The following LAPTM5 variants were observed in gnomAD, a reference collection of about 807,000 sequenced individuals.
LAPTM5 encodes the protein lysosomal protein transmembrane 5, also known as lysosomal-associated transmembrane protein 5.
LAPTM5 carries 11 observed loss-of-function variants against 30.1 expected under a neutral mutation model. That is an observed-to-expected ratio of 0.37 (90% CI 0.23 to 0.60). The LOEUF is 0.60. Among genes scored for constraint, LAPTM5 ranks in the 20% least tolerant of loss-of-function variants. LAPTM5 has a pLI of 0.71. For missense variants in LAPTM5, 324 were observed against 332.5 expected (o/e 0.97, Z 0.20); for synonymous variants, 151 against 137.9 (o/e 1.10, Z -0.67).
At position 30,739,852 on chromosome 1, in the gene LAPTM5, A is replaced by C. The variant is rs765271074; in HGVS notation, c.344T>G (p.Ile115Ser). 1 of 1,607,894 alleles carries C rather than the reference A, an allele frequency of 6.2e-7. No homozygotes were observed. Among genetic ancestry groups the C allele is most frequent in the Non-Finnish European group, 8.5e-7 (1 of 1,176,870 alleles). Reference protein sequence around the residue: ...LCLLTLLGSYIELPAYLKLAS... With the variant: ...LCLLTLLGSYSELPAYLKLAS... ...CAACTTGAGGTAGGCGGGCAGCTCA[A>C]TGTAGGAGCCCAGCAGGGTGAGCAG... is the stretch of plus-strand genomic sequence containing the variant. Residue 115 changes from isoleucine (I) to serine (S), a missense_variant, in exon 4 of 8, where the codon ATT becomes AGT. Coordinates refer to ENST00000294507, the MANE Select transcript of LAPTM5 (RefSeq NM_006762.3). The surrounding 1 kb of genome is among the most constrained non-coding windows in gnomAD (Gnocchi z 4.2).
intron 1 of LAPTM5, among the ~76,000 whole-genome samples, chr1:30,747,739 T>G (rs1640068907): frequency 6.6e-6 from 1 of 152,000 alleles, no homozygotes; most frequent in Non-Finnish European, 1.5e-5. Flanking sequence ...GGGTCAGTAT[T>G]GAACATGGCT....
Position 30,739,782 on chromosome 1 carries a change from G to A in LAPTM5, c.387+27C>T, listed in dbSNP as rs550725374. ...ATGCCAGACCTGGGCTCTGCTGTCC[G>A]GTGAGAGGTGGGGGCTGGGTACTCA... On this transcript the variant is annotated intron_variant, in intron 4 of 7. Transcript: ENST00000294507. This position sits in a 1 kb window ranked among gnomAD's most constrained non-coding sequence, Gnocchi z 4.2. 132 of 1,572,604 alleles carry A rather than the reference G, an allele frequency of 8.4e-5. No homozygotes were observed. The South Asian group carries it at 1.0e-3, about 12-fold the overall frequency.
chr1:30,750,732 G>A (rs916397045), intron 1 of LAPTM5, among the ~76,000 whole-genome samples: 6 of 152,184 alleles, frequency 3.9e-5, no homozygotes, highest in East Asian at 1.9e-4. Flanking sequence ...TCTAACACAG[G>A]CTGCAGAGTC....
chr1:30,734,431 C>T (rs566423741), intron 7 of LAPTM5, among the ~76,000 whole-genome samples: 7 of 152,200 alleles, frequency 4.6e-5, no homozygotes, highest in South Asian at 4.2e-4. Context: ...GATGGGCTTC[C>T]GGAAAATGAA....
chr1:30,739,359 C>T lies in LAPTM5; in HGVS notation c.388-297G>A. On this transcript the variant is annotated intron_variant, in intron 4 of 7. Transcript: ENST00000294507. The surrounding 1 kb of genome is among the most constrained non-coding windows in gnomAD (Gnocchi z 4.2). The stretch of plus-strand genomic sequence containing the variant: ...GAGTGAGAAAAGCAGGTTTGGGAGA[C>T]TGTGTCCTTGACTGGCAGCAGCCCT... 3.4e-6 allele frequency: 1 copy of T among 296,022 alleles called. No individual in the cohort carries two copies. Among genetic ancestry groups the T allele is most frequent in the South Asian group, 4.7e-5 (1 of 21,068 alleles). The allele number at this position is 296,022 out of a possible 1,614,324, so 18.3% of individuals were successfully genotyped here.
intron 1 of LAPTM5, among the ~76,000 whole-genome samples, chr1:30,745,366 C>CT (rs1388493369): frequency 6.6e-6 from 1 of 152,230 alleles, no homozygotes; most frequent in Non-Finnish European, 1.5e-5. Flanking sequence ...TGCCTAAGGC[C>CT]TAACCCTTCC....
chr1:30,750,411 A>G (rs1047585631), intron 1 of LAPTM5, among the ~76,000 whole-genome samples: 5 of 152,178 alleles, frequency 3.3e-5, no homozygotes, highest in African/African-American at 4.8e-5. Flanking sequence ...CCTCTGTATC[A>G]CGGGCTCTGC....
In LAPTM5 at chr1:30,743,795, GTTT is replaced by G. The variant is rs756356075; in HGVS notation, c.88-1249_88-1247del. Among the ~76,000 whole-genome samples the G allele has an allele frequency of 7.4e-5, 8 of 107,844 alleles. No homozygotes were observed. The South Asian group carries it at 1.9e-3, about 26-fold the overall frequency. The allele number at this position is 107,844 out of a possible 152,430, so 70.7% of individuals were successfully genotyped here. Reference sequence around the variant, plus strand: ...TGTTTCCCCCTTGCTGACTGTGTGGGTTTTTTTTTTTTTTTTTTTTTTAGCTCA... The same window carrying G: ...TGTTTCCCCCTTGCTGACTGTGTGGGTTTTTTTTTTTTTTTTTTTAGCTCA... On this transcript the variant is annotated intron_variant, in intron 1 of 7. Coordinates refer to ENST00000294507, the MANE Select transcript of LAPTM5 (RefSeq NM_006762.3).
intron 1 of LAPTM5, among the ~76,000 whole-genome samples, chr1:30,743,478 A>G (rs1032410371): frequency 6.6e-6 from 1 of 152,176 alleles, no homozygotes; most frequent in Admixed American, 6.5e-5. Flanking sequence ...CACCTTATCC[A>G]TGCCTCCCAT....
In LAPTM5 at chr1:30,735,166, C is replaced by T. The variant is rs367632339; in HGVS notation, c.699+7G>A. ...CAGGGCTGGCACCCACCTGCAGCCA[C>T]ACTCACCTTCTGGAGCATCTTGGAG... is the stretch of plus-strand genomic sequence containing the variant. On this transcript the variant is annotated splice_region_variant and intron_variant, in intron 7 of 7. Coordinates refer to ENST00000294507, the MANE Select transcript of LAPTM5 (RefSeq NM_006762.3). The T allele has an allele frequency of 2.5e-6, 4 of 1,610,412 alleles. No individual in the cohort carries two copies. The highest frequency in any genetic ancestry group is 1.3e-5 in the African/African-American group (1 of 74,878).
At position 30,739,971 on chromosome 1, in the gene LAPTM5, C is replaced by T. The variant is rs370375145; in HGVS notation, c.259-34G>A. 1.3e-6 allele frequency: 2 copies of T among 1,525,406 alleles called. No individual in the cohort carries two copies. The highest frequency in any genetic ancestry group is 2.0e-5 in the Admixed American group (1 of 49,628). The allele number at this position is 1,525,406 out of a possible 1,614,324, so 94.5% of individuals were successfully genotyped here. A position where few individuals can be genotyped will look rare whatever the true frequency, so the allele number is the denominator to read the frequency against. Reference sequence around the variant, plus strand: ...TAGGCCCAGCACCGTCAAGTGTCCCCTGCATGCAGCCAACACTCCGCCACC... The same window carrying T: ...TAGGCCCAGCACCGTCAAGTGTCCCTTGCATGCAGCCAACACTCCGCCACC... On this transcript the variant is annotated intron_variant, in intron 3 of 7. Coordinates refer to ENST00000294507, the MANE Select transcript of LAPTM5 (RefSeq NM_006762.3). This position sits in a 1 kb window ranked among gnomAD's most constrained non-coding sequence, Gnocchi z 4.2.
intron 2 of LAPTM5, 87 bp from the exon 3 acceptor site, chr1:30,741,803 GT>G: frequency 1.1e-6 from 1 of 946,848 alleles, no homozygotes; most frequent in Non-Finnish European, 1.6e-6. Context: ...GGAACCACTG[GT>G]TTGGGGACAT....
Position 30,733,691 on chromosome 1 carries a change from C to T in LAPTM5, c.*137G>A, listed in dbSNP as rs756505338. On this transcript the variant is annotated 3_prime_UTR_variant, in exon 8 of 8. Coordinates refer to ENST00000294507, the MANE Select transcript of LAPTM5 (RefSeq NM_006762.3). ...AGGCCCTGCAGGAGGAGCAGGCCAG[C>T]GAGGGAGACACAAGCAGATTGTCCT... The T allele has an allele frequency of 1.0e-4, 159 of 1,533,340 alleles. No homozygotes were observed. Among genetic ancestry groups the T allele is most frequent in the Middle Eastern group, 1.7e-4 (1 of 5,976 alleles). The allele number at this position is 1,533,340 out of a possible 1,614,324, so 95.0% of individuals were successfully genotyped here.
chr1:30,755,478 C>T (rs564675345), intron 1 of LAPTM5, among the ~76,000 whole-genome samples: 15 of 152,230 alleles, frequency 9.9e-5, no homozygotes, highest in African/African-American at 3.4e-4. Flanking sequence ...CGAACACATA[C>T]GCCATTGCTC....
At chr1:30,740,438 A>G (rs1382067605) in intron 3 of LAPTM5, among the ~76,000 whole-genome samples, 5 of 136,134 alleles carry the variant, frequency 3.7e-5, no homozygotes, top group Admixed American at 2.3e-4. Flanking sequence ...CCCGCATACA[A>G]TTGGACCTTC....
At chr1:30,755,811 C>T (rs1290372959) in intron 1 of LAPTM5, among the ~76,000 whole-genome samples, 1 of 152,178 alleles carries the variant, frequency 6.6e-6, no homozygotes, top group Non-Finnish European at 1.5e-5. Context: ...AGATGTGACA[C>T]AAAAGCCTGC....
chr1:30,747,782 C>T (rs149415736), intron 1 of LAPTM5, among the ~76,000 whole-genome samples: 9 of 152,168 alleles, frequency 5.9e-5, no homozygotes, highest in Non-Finnish European at 1.2e-4. Context: ...AGAGGGGATG[C>T]GGTGAAAACA....
intron 1 of LAPTM5, among the ~76,000 whole-genome samples, chr1:30,744,910 T>C (rs1197465525): frequency 6.6e-6 from 1 of 152,130 alleles, no homozygotes; most frequent in Non-Finnish European, 1.5e-5. Flanking sequence ...TAGTTTATCA[T>C]GAACATCATA....
intron 2 of LAPTM5, 121 bp from the exon 3 acceptor site, chr1:30,741,837 G>C: frequency 1.6e-6 from 1 of 630,032 alleles, no homozygotes; most frequent in Non-Finnish European, 2.7e-6. Flanking sequence ...GAAAGCCCAG[G>C]CCCTGCCCTC....
Sources: allele counts gnomAD v4.1 joint callset (sites outside exome capture counted in the v4.1 genomes callset), GRCh38; gene constraint gnomAD v4.1.1; non-coding constraint Gnocchi (gnomAD v3.1); transcripts MANE v1.5; gene names NCBI Gene and HGNC (gene_info 2026-07-23, HGNC 2026-07-21).